The following TMEM108 variants were observed in gnomAD, a reference collection of about 807,000 sequenced individuals.
TMEM108 encodes the protein transmembrane protein 108, also known as cancer/testis antigen 124.
Under a neutral mutation model 35.1 loss-of-function variants are expected in TMEM108, and 12 were observed. The observed-to-expected ratio is 0.34, with a 90% CI of 0.22 to 0.55. The LOEUF (loss-of-function observed/expected upper bound fraction) is 0.55. Among genes scored for constraint, TMEM108 ranks in the 20% least tolerant of loss-of-function variants. TMEM108 has a pLI of 0.89. For missense variants in TMEM108, 680 were observed against 753.3 expected (o/e 0.90, Z 1.14); for synonymous variants, 287 against 308.6 (o/e 0.93, Z 0.73).
rs116783642 is a variant in TMEM108, at chr3:133,354,146, A to G, written c.41-25606A>G. Among the ~76,000 whole-genome samples, 355 of 152,320 alleles carry G rather than the reference A, an allele frequency of 2.3e-3. 2 individuals carry two copies. The highest frequency in any genetic ancestry group is 8.0e-3 in the African/African-American group (333 of 41,566). ...CGTCAGTTTTTATGTTATAAAACTT[A>G]TGTCTGTGCCTGTTCTGTTATAAAC... On this transcript the variant is annotated intron_variant, in intron 3 of 5. Coordinates refer to ENST00000321871, the MANE Select transcript of TMEM108 (RefSeq NM_023943.4).
chr3:133,124,773 T>C (rs1365960240), intron 2 of TMEM108: 1 of 152,204 alleles, frequency 6.6e-6, no homozygotes, highest in African/African-American at 2.4e-5. Flanking sequence ...GATGGTGGTG[T>C]GTGTTGGTTG....
intron 2 of TMEM108, among the ~76,000 whole-genome samples, chr3:133,212,846 G>T (rs1334586351): frequency 2.4e-5 from 3 of 125,948 alleles, no homozygotes; most frequent in Non-Finnish European, 3.2e-5. Context: ...CAGCCTGAGT[G>T]ACAGAGGGAG....
intron 3 of TMEM108, among the ~76,000 whole-genome samples, chr3:133,294,041 A>T (rs1028585881): frequency 6.6e-6 from 1 of 152,194 alleles, no homozygotes; most frequent in East Asian, 1.9e-4. Context: ...CTGAATATTA[A>T]TGTACCACTC....
At chr3:133,297,470 G>A (rs1708370) in intron 3 of TMEM108, among the ~76,000 whole-genome samples, 18,036 of 152,110 alleles carry the variant, frequency 0.12, 1,489 homozygotes, top group East Asian at 0.38. Flanking sequence ...CTTCAGGCTC[G>A]TCGCTTCCTC....
intron 2 of TMEM108, among the ~76,000 whole-genome samples, chr3:133,063,774 C>A (rs1191693470): frequency 6.6e-6 from 1 of 152,098 alleles, no homozygotes; most frequent in Non-Finnish European, 1.5e-5. Context: ...CCGCTGGACT[C>A]CTGCTTGAGG....
intron 3 of TMEM108, among the ~76,000 whole-genome samples, chr3:133,296,600 TC>T (rs902625191): frequency 3.3e-5 from 5 of 151,938 alleles, no homozygotes; most frequent in Admixed American, 3.3e-4. Flanking sequence ...CTTATATTTG[TC>T]CAGATCTCTG....
At chr3:133,192,216 G>C (rs756450672) in intron 2 of TMEM108, among the ~76,000 whole-genome samples, 1 of 152,036 alleles carries the variant, frequency 6.6e-6, no homozygotes, top group Non-Finnish European at 1.5e-5. Context: ...TTTCAGCTTG[G>C]GTTATTGAAA....
chr3:133,221,002 A>G (rs1945982297), intron 2 of TMEM108, among the ~76,000 whole-genome samples: 1 of 152,240 alleles, frequency 6.6e-6, no homozygotes, highest in South Asian at 2.1e-4. Context: ...AATAGTGTAA[A>G]GTCTAGAACA....
intron 3 of TMEM108, among the ~76,000 whole-genome samples, chr3:133,300,975 TACACAC>T (rs66703555): frequency 0.012 from 1,629 of 130,946 alleles, 48 homozygotes; most frequent in African/African-American, 0.04. Flanking sequence ...CAGACCCCAG[TACACAC>T]ACACACACAC....
intron 2 of TMEM108, among the ~76,000 whole-genome samples, chr3:133,098,227 A>G (rs2107712808): frequency 6.6e-6 from 1 of 152,334 alleles, no homozygotes; most frequent in South Asian, 2.1e-4. Context: ...GGCAAGAGAA[A>G]AATGAGGAAG....
At chr3:133,203,002 C>T (rs1041641810) in intron 2 of TMEM108, among the ~76,000 whole-genome samples, 1 of 152,118 alleles carries the variant, frequency 6.6e-6, no homozygotes, top group South Asian at 2.1e-4. Flanking sequence ...TGAAGAGGTC[C>T]TTCACATCCC....
At chr3:133,317,402 A>T (rs1425589245) in intron 3 of TMEM108, among the ~76,000 whole-genome samples, 1 of 152,224 alleles carries the variant, frequency 6.6e-6, no homozygotes, top group African/African-American at 2.4e-5. Context: ...ATTTTTGCCA[A>T]CTCCTGAAGA....
At chr3:133,161,804 A>G (rs928410610) in intron 2 of TMEM108, among the ~76,000 whole-genome samples, 2 of 152,028 alleles carry the variant, frequency 1.3e-5, no homozygotes, top group Non-Finnish European at 2.9e-5. Flanking sequence ...TTCAACACAC[A>G]TGGCAGCTCT....
intron 3 of TMEM108, among the ~76,000 whole-genome samples, chr3:133,235,597 G>C (rs1946224462): frequency 6.6e-6 from 1 of 152,174 alleles, no homozygotes; most frequent in African/African-American, 2.4e-5. Context: ...CTCACTACCT[G>C]AGGTGGTATT....
At chr3:133,119,044 A>C (rs1237364505) in intron 2 of TMEM108, 1 of 152,062 alleles carries the variant, frequency 6.6e-6, no homozygotes, top group Admixed American at 6.5e-5. Flanking sequence ...GCAGCCTCCG[A>C]AGTACTTTGG....
intron 2 of TMEM108, among the ~76,000 whole-genome samples, chr3:133,077,837 G>A (rs1943760286): frequency 6.6e-6 from 1 of 152,182 alleles, no homozygotes; most frequent in East Asian, 1.9e-4. Flanking sequence ...GAGTAAATAG[G>A]TACTTGGCCA....
intron 3 of TMEM108, among the ~76,000 whole-genome samples, chr3:133,309,508 A>T (rs1363740179): frequency 6.6e-6 from 1 of 151,914 alleles, no homozygotes; most frequent in African/African-American, 2.4e-5. Context: ...TAGTGTTATA[A>T]ATTTCCCTCT....
intron 2 of TMEM108, among the ~76,000 whole-genome samples, chr3:133,214,511 CTT>C (rs34363070): frequency 0.33 from 50,219 of 151,916 alleles, 8,845 homozygotes; most frequent in East Asian, 0.47. Flanking sequence ...CGAATCTTCT[CTT>C]TTCCTAGGGA....
At chr3:133,370,198 G>A (rs906661205) in intron 3 of TMEM108, among the ~76,000 whole-genome samples, 3 of 143,112 alleles carry the variant, frequency 2.1e-5, no homozygotes, top group Admixed American at 7.1e-5. Flanking sequence ...GATGTCATCT[G>A]GGATACCACA....
Sources: allele counts gnomAD v4.1 joint callset (sites outside exome capture counted in the v4.1 genomes callset), GRCh38; gene constraint gnomAD v4.1.1; transcripts MANE v1.5; gene names NCBI Gene and HGNC (gene_info 2026-07-23, HGNC 2026-07-21).